TENM2: variants seen among roughly 807,000 people sequenced by gnomAD.
TENM2 encodes the protein teneurin transmembrane protein 2.
A neutral mutation model predicts 245.2 loss-of-function variants in TENM2; 52 were observed. That is an observed-to-expected ratio of 0.21 (90% CI 0.17 to 0.27). TENM2 has a LOEUF of 0.27. Ranked by LOEUF, TENM2 falls within the 10% of genes least tolerant of loss-of-function variation. The pLI, the probability that TENM2 is intolerant of heterozygous loss-of-function variation, is 1.00. For synonymous variants in TENM2, 1,363 were observed against 1,438.9 expected, an observed-to-expected ratio of 0.95 and a Z score of 1.19; for missense variants, 3,046 against 3,666.8, an observed-to-expected ratio of 0.83 and a Z score of 4.37.
chr5:168,101,813 A>T (rs919452057), intron 9 of TENM2, among the ~76,000 whole-genome samples: 1 of 150,784 alleles, frequency 6.6e-6, no homozygotes, highest in Non-Finnish European at 1.5e-5. Context: ...TAGGAGTAGG[A>T]TTCTACCTTT....
intron 7 of TENM2, among the ~76,000 whole-genome samples, chr5:168,079,195 G>T (rs1484638432): frequency 6.6e-6 from 1 of 152,154 alleles, no homozygotes; most frequent in Non-Finnish European, 1.5e-5. Context: ...TGAAGCAATT[G>T]TGAATGGGAG....
chr5:168,231,651 A>C (rs551803223), intron 25 of TENM2, among the ~76,000 whole-genome samples: 1 of 151,928 alleles, frequency 6.6e-6, no homozygotes, highest in Admixed American at 6.6e-5. Context: ...TGTTTTCCCA[A>C]CACTTTGGGA....
intron 2 of TENM2, among the ~76,000 whole-genome samples, chr5:167,417,696 G>A (rs1763245632): frequency 6.6e-6 from 1 of 152,128 alleles, no homozygotes. Context: ...AAACAGAGGT[G>A]TGAAACAACT....
intron 2 of TENM2, among the ~76,000 whole-genome samples, chr5:167,478,713 C>T (rs77551274): frequency 2.1e-3 from 325 of 152,258 alleles, no homozygotes; most frequent in Non-Finnish European, 3.3e-3. Context: ...TACAAAAAAG[C>T]ACAGCTATGG....
intron 2 of TENM2, among the ~76,000 whole-genome samples, chr5:167,593,118 G>A (rs2127710593): frequency 6.6e-6 from 1 of 152,084 alleles, no homozygotes; most frequent in East Asian, 1.9e-4. Context: ...CACTTTGCAT[G>A]GTCCTGCCCA....
the TENM2 span, among the ~76,000 whole-genome samples, chr5:167,241,571 AG>A: frequency 1.3e-5 from 2 of 152,238 alleles, no homozygotes; most frequent in Admixed American, 6.5e-5. Context: ...AAAGGATTCC[AG>A]CAAGAATGTG....
intron 25 of TENM2, among the ~76,000 whole-genome samples, chr5:168,238,659 GC>G (rs1265127999): frequency 6.6e-6 from 1 of 152,192 alleles, no homozygotes; most frequent in Non-Finnish European, 1.5e-5. Flanking sequence ...GCCCAGCAGG[GC>G]CGTTTTGAAG....
the TENM2 span, among the ~76,000 whole-genome samples, chr5:167,244,025 C>A: frequency 6.6e-6 from 1 of 152,092 alleles, no homozygotes; most frequent in Non-Finnish European, 1.5e-5. Context: ...CCTGGGAAAT[C>A]CTTCTTCTTC....
intron 9 of TENM2, among the ~76,000 whole-genome samples, chr5:168,115,217 C>T (rs1296666827): frequency 2.0e-5 from 3 of 151,614 alleles, no homozygotes; most frequent in Non-Finnish European, 2.9e-5. Context: ...CGCTTGAACC[C>T]GGGAGGCAGA....
rs1423070762 is a variant in TENM2 at position 168,218,406 on chromosome 5, A to G, written c.4515A>G (p.Thr1505=). Residue 1505 remains threonine, a synonymous_variant, in exon 23 of 29, where the codon ACA becomes ACG. Coordinates refer to ENST00000518659, the Ensembl canonical transcript of TENM2. The surrounding 1 kb of genome is among the most constrained non-coding windows in gnomAD (Gnocchi z 5.2). ...AGATTAACCGTCTACGCCAGGTAACAACCAACGGGGAGATCTGCCTTTTAG... is the reference window on the plus strand; with the variant it reads ...AGATTAACCGTCTACGCCAGGTAACGACCAACGGGGAGATCTGCCTTTTAG... 6.2e-7 allele frequency: 1 copy of G among 1,613,934 alleles called. No individual in the cohort carries two copies. The highest frequency in any genetic ancestry group is 1.3e-5 in the African/African-American group (1 of 74,934).
chr5:167,342,284 A>AT (rs1758148171), intron 1 of TENM2, among the ~76,000 whole-genome samples: 1 of 151,930 alleles, frequency 6.6e-6, no homozygotes, highest in Non-Finnish European at 1.5e-5. Flanking sequence ...AGGAGTCTTG[A>AT]TTAGGAACTT....
At chr5:168,098,386 A>G (rs887290497) in intron 9 of TENM2, among the ~76,000 whole-genome samples, 1 of 152,178 alleles carries the variant, frequency 6.6e-6, no homozygotes, top group African/African-American at 2.4e-5. Context: ...TAAAAATGAG[A>G]TGGTCGGATT....
At chr5:167,092,302 T>A in the TENM2 span, among the ~76,000 whole-genome samples, 3 of 152,150 alleles carry the variant, frequency 2.0e-5, no homozygotes, top group African/African-American at 4.8e-5. Flanking sequence ...TGACTGCTTT[T>A]AAGGCTACGT....
chr5:167,070,107 A>T, the TENM2 span, among the ~76,000 whole-genome samples: 2 of 54,962 alleles, frequency 3.6e-5, no homozygotes, highest in South Asian at 3.5e-4. Context: ...CATTTGACAA[A>T]TATTTATTTA....
exon 3 of TENM2, chr5:167,876,078 C>T: frequency 1.3e-6 from 2 of 1,551,392 alleles, no homozygotes; most frequent in Non-Finnish European, 1.7e-6. Flanking sequence ...CTGCCAGATG[C>T]CATTGCTAGA....
At position 167,459,936 on chromosome 5, in the gene TENM2, G is replaced by A. The variant is rs187531452; in HGVS notation, c.502+84463G>A. ...AACACACACACACACACACACACAC[G>A]CACACACACACACAACACACACTCA... On this transcript the variant is annotated intron_variant, in intron 2 of 28. Coordinates refer to ENST00000518659, the Ensembl canonical transcript of TENM2. Among the ~76,000 whole-genome samples the A allele has an allele frequency of 4.4e-3, 439 of 99,138 alleles. 2 individuals carry two copies. Among genetic ancestry groups the A allele is most frequent in the African/African-American group, 0.014 (399 of 29,392 alleles). 65.0% of individuals were successfully genotyped at this position (99,138 alleles called of 152,430 possible).
chr5:168,168,037 A>G (rs1581517329), intron 13 of TENM2, among the ~76,000 whole-genome samples: 2 of 152,278 alleles, frequency 1.3e-5, no homozygotes, highest in African/African-American at 4.8e-5. Flanking sequence ...CACAACCACA[A>G]AGATTCTAAC....
chr5:167,182,794 C>G, the TENM2 span, among the ~76,000 whole-genome samples: 3 of 152,072 alleles, frequency 2.0e-5, no homozygotes, highest in Non-Finnish European at 2.9e-5. Flanking sequence ...CAGGGAAACC[C>G]TCCCAAAGTA....
chr5:167,199,622 C>A, the TENM2 span, among the ~76,000 whole-genome samples: 46 of 152,228 alleles, frequency 3.0e-4, no homozygotes, highest in African/African-American at 1.1e-3. Context: ...GTTACTCTTA[C>A]TGGCCTGTCT....
Sources: allele counts gnomAD v4.1 joint callset (sites outside exome capture counted in the v4.1 genomes callset), GRCh38; gene constraint gnomAD v4.1.1; non-coding constraint Gnocchi (gnomAD v3.1); transcripts MANE v1.5; gene names NCBI Gene and HGNC (gene_info 2026-07-23, HGNC 2026-07-21).